The following AIG1 variants were observed in gnomAD, a reference collection of about 807,000 sequenced individuals.
AIG1 encodes androgen induced 1, also known as androgen-induced gene 1 protein.
AIG1 carries 23 observed loss-of-function variants against 31.4 expected under a neutral mutation model. That is an observed-to-expected ratio of 0.73 (90% CI 0.53 to 1.04). The LOEUF is 1.04. AIG1 is among the 50% of genes least tolerant of loss of function. The probability of loss-of-function intolerance (pLI) is 0.00; values close to 1 mark genes in which losing one functional copy is unlikely to be tolerated. For missense variants in AIG1, 274 were observed against 295.0 expected (o/e 0.93, Z 0.52); for synonymous variants, 100 against 110.5 (o/e 0.90, Z 0.60).
chr6:143,123,111 C>T (rs1056801275), intron 1 of AIG1, among the ~76,000 whole-genome samples: 1 of 152,278 alleles, frequency 6.6e-6, no homozygotes, highest in African/African-American at 2.4e-5. Flanking sequence ...TTATGGGGCC[C>T]TCCGCATTTC....
Position 143,136,979 on chromosome 6 carries a change from C to G in AIG1, c.286C>G (p.Pro96Ala). The change falls in exon 2 of 6, where the codon CCT (proline) becomes GCT (alanine). Residue 96 changes from proline to alanine, a missense_variant. Coordinates refer to ENST00000357847, the MANE Select transcript of AIG1 (RefSeq NM_016108.4). ...CTGGATGTTAGCTGTGTTGGCCTTT[C>G]CTGTTGGGGTTGTGAGTATGATGGA... ...RDWMLAVLAF[P>A]VGVFVVAVFW... The G allele has an allele frequency of 7.0e-7, 1 of 1,431,106 alleles. No homozygotes were observed. The highest frequency in any genetic ancestry group is 1.6e-5 in the South Asian group (1 of 61,092). 88.7% of individuals were successfully genotyped at this position (1,431,106 alleles called of 1,614,324 possible).
chr6:143,289,096 C>G (rs1797883766), intron 4 of AIG1, among the ~76,000 whole-genome samples: 1 of 151,968 alleles, frequency 6.6e-6, no homozygotes, highest in Non-Finnish European at 1.5e-5. Flanking sequence ...CTTTTCAGAC[C>G]CTAAATGGCA....
At chr6:143,168,042 T>C (rs1336283158) in intron 3 of AIG1, among the ~76,000 whole-genome samples, 2 of 152,154 alleles carry the variant, frequency 1.3e-5, no homozygotes, top group East Asian at 3.8e-4. Flanking sequence ...GCAATTAAAA[T>C]ATGAACATTA....
intron 2 of AIG1, among the ~76,000 whole-genome samples, chr6:143,138,227 C>T (rs777634369): frequency 2.0e-5 from 3 of 152,196 alleles, no homozygotes; most frequent in Non-Finnish European, 2.9e-5. Flanking sequence ...TTGAAGCTAA[C>T]CAGCAAATCT....
chr6:143,284,295 C>A lies in AIG1; in HGVS notation c.515+70C>A. ...CACTGCTAAATTTGGGCACATATTT[C>A]ATTATGGATATAATCACTAACAGAT... On this transcript the variant is annotated intron_variant, in intron 4 of 5. Transcript: ENST00000357847. The surrounding 1 kb of genome is among the most constrained non-coding windows in gnomAD (Gnocchi z 4.4). 1 of 1,098,916 alleles carries A rather than the reference C, an allele frequency of 9.1e-7. No homozygotes were observed. Among genetic ancestry groups the A allele is most frequent in the Non-Finnish European group, 1.4e-6 (1 of 734,312 alleles). The allele number at this position is 1,098,916 out of a possible 1,614,324, so 68.1% of individuals were successfully genotyped here.
In AIG1 at chr6:143,262,446, T is replaced by C. The variant is rs561228826; in HGVS notation, c.400-21664T>C. Among the ~76,000 whole-genome samples the C allele has an allele frequency of 8.7e-4, 133 of 152,308 alleles. 1 individual carries two copies. Among genetic ancestry groups the C allele is most frequent in the African/African-American group, 3.2e-3 (132 of 41,564 alleles). On this transcript the variant is annotated intron_variant, in intron 3 of 5. Transcript: ENST00000357847. ...AAAACGAGAACTCCCCTGTATTATT[T>C]CATTTTTTCAAGCTGCAAAGCAAAT...
At chr6:143,254,852 A>G (rs535007383) in intron 3 of AIG1, among the ~76,000 whole-genome samples, 2 of 152,124 alleles carry the variant, frequency 1.3e-5, no homozygotes, top group Non-Finnish European at 2.9e-5. Flanking sequence ...CGTCTCTACA[A>G]ATAATAATAG....
Position 143,155,238 on chromosome 6 carries a change from A to G in AIG1, c.298-9844A>G, listed in dbSNP as rs1423252994. Among the ~76,000 whole-genome samples, 3 of 152,208 alleles carry G rather than the reference A, an allele frequency of 2.0e-5. No homozygotes were observed. The East Asian group carries it at 5.8e-4, about 29-fold the overall frequency. On this transcript the variant is annotated intron_variant, in intron 2 of 5. Coordinates refer to ENST00000357847, the MANE Select transcript of AIG1 (RefSeq NM_016108.4). ...TTGTCTCTGCCCTTATGGAGTTTAC[A>G]TTCTACTGGGAAGAGAAACCAGTAA...
intron 1 of AIG1, among the ~76,000 whole-genome samples, chr6:143,114,035 A>T (rs1470977535): frequency 6.6e-6 from 1 of 152,102 alleles, no homozygotes; most frequent in Non-Finnish European, 1.5e-5. Flanking sequence ...CGACCTCCCA[A>T]AGTGCTAGGA....
At chr6:143,267,083 T>C (rs1354567263) in intron 3 of AIG1, among the ~76,000 whole-genome samples, 2 of 152,200 alleles carry the variant, frequency 1.3e-5, no homozygotes, top group Admixed American at 6.5e-5. Flanking sequence ...CTCATCTCTT[T>C]GTAAAACATC....
rs1776671877 is a variant in AIG1, at chr6:143,327,116, A to C, written c.516-6166A>C. 6.6e-6 allele frequency among the ~76,000 whole-genome samples: 1 copy of C among 152,236 alleles called. No individual in the cohort carries two copies. Among genetic ancestry groups the C allele is most frequent in the Non-Finnish European group, 1.5e-5 (1 of 68,032 alleles). ...GTAGAGACAAATTAGAAACTATCAC[A>C]GTCCTCTAGACAGAAATGCTTCTAA... On this transcript the variant is annotated intron_variant, in intron 4 of 5. Coordinates refer to ENST00000357847, the MANE Select transcript of AIG1 (RefSeq NM_016108.4). This position sits in a 1 kb window ranked among gnomAD's most constrained non-coding sequence, Gnocchi z 5.3.
chr6:143,121,479 C>T (rs769926253), intron 1 of AIG1, among the ~76,000 whole-genome samples: 1 of 152,164 alleles, frequency 6.6e-6, no homozygotes, highest in Non-Finnish European at 1.5e-5. Context: ...TCTTCCTTTC[C>T]CTTACTTCCC....
chr6:143,306,804 T>C (rs1173869911), intron 4 of AIG1, among the ~76,000 whole-genome samples: 1 of 152,234 alleles, frequency 6.6e-6, no homozygotes, highest in Non-Finnish European at 1.5e-5. Flanking sequence ...GTTTTCCAAC[T>C]TGGTTCCATT....
downstream of AIG1, among the ~76,000 whole-genome samples, chr6:143,342,005 A>G (rs1290459150): frequency 6.6e-6 from 1 of 152,190 alleles, no homozygotes; most frequent in South Asian, 2.1e-4. Context: ...AGCTCCCTGC[A>G]ATCTCCGCCT....
In AIG1 at chr6:143,252,943, G is replaced by C. The variant is rs1458676878; in HGVS notation, c.400-31167G>C. Among the ~76,000 whole-genome samples the C allele has an allele frequency of 4.6e-5, 7 of 152,198 alleles. 1 individual carries two copies. The highest frequency in any genetic ancestry group is 4.6e-4 in the Admixed American group (7 of 15,284). Reference sequence around the variant, plus strand: ...GTTGGATTGAGGGCCTCAGTTTCTAGCTGGCTTTTGGCCAGAGGATGCCCC... The same window carrying C: ...GTTGGATTGAGGGCCTCAGTTTCTACCTGGCTTTTGGCCAGAGGATGCCCC... On this transcript the variant is annotated intron_variant, in intron 3 of 5. Transcript: ENST00000357847.
chr6:143,128,284 G>T (rs1479423100), intron 1 of AIG1, among the ~76,000 whole-genome samples: 1 of 152,174 alleles, frequency 6.6e-6, no homozygotes. Flanking sequence ...CAGTAAATCA[G>T]CTATGATTTC....
At chr6:143,205,176 C>T (rs1791016766) in intron 3 of AIG1, among the ~76,000 whole-genome samples, 1 of 152,188 alleles carries the variant, frequency 6.6e-6, no homozygotes, top group African/African-American at 2.4e-5. Flanking sequence ...CATCTATGTG[C>T]CTTATTCCCA....
rs190908957 is a variant in AIG1, at chr6:143,173,420, G to A, written c.399+8237G>A. On this transcript the variant is annotated intron_variant, in intron 3 of 5. Transcript: ENST00000357847. Reference sequence around the variant, plus strand: ...GAGATCTTGGTTATTTCTTTTCTTCGGTTGGGTTTGGATTTGGTTTGTTCT... The same window carrying A: ...GAGATCTTGGTTATTTCTTTTCTTCAGTTGGGTTTGGATTTGGTTTGTTCT... 8.5e-5 allele frequency among the ~76,000 whole-genome samples: 13 copies of A among 152,104 alleles called. No homozygotes were observed. In the East Asian group the frequency reaches 1.4e-3, roughly 16 times the overall value.
chr6:143,101,936 T>A (rs1351020922), intron 1 of AIG1, among the ~76,000 whole-genome samples: 2 of 152,158 alleles, frequency 1.3e-5, no homozygotes, highest in Non-Finnish European at 2.9e-5. Flanking sequence ...AATAAGAATC[T>A]CTAGTGGTAG....
Sources: gnomAD v4.1 joint callset for allele counts (sites outside exome capture counted in the v4.1 genomes callset) on GRCh38, gnomAD v4.1.1 for gene constraint, Gnocchi (gnomAD v3.1) non-coding constraint, MANE v1.5 for transcripts, NCBI Gene and HGNC (gene_info 2026-07-23, HGNC 2026-07-21) for gene names.